Variants in NTM observed in about 807,000 individuals in gnomAD.
NTM encodes the protein IgLON family member 2.
A neutral mutation model predicts 42.1 loss-of-function variants in NTM; 13 were observed. The ratio of observed to expected loss-of-function variants is 0.31; its 90% CI spans 0.20 to 0.49. NTM has a LOEUF of 0.49. Among genes scored for constraint, NTM ranks in the 20% least tolerant of loss-of-function variants. The pLI is 0.99. For synonymous variants in NTM, 187 were observed against 179.2 expected (o/e 1.04, Z -0.35); for missense variants, 373 against 452.8 (o/e 0.82, Z 1.60).
intron 1 of NTM, among the ~76,000 whole-genome samples, chr11:131,573,950 C>A (rs1249297287): frequency 6.6e-6 from 1 of 152,180 alleles, no homozygotes; most frequent in Non-Finnish European, 1.5e-5. Flanking sequence ...TCACATGAGC[C>A]ACAGCAGCCT....
chr11:131,701,862 G>A (rs141105241), intron 1 of NTM, among the ~76,000 whole-genome samples: 2 of 152,278 alleles, frequency 1.3e-5, no homozygotes, highest in African/African-American at 4.8e-5. Context: ...TTGGACCCCA[G>A]TGCAAAATGA....
chr11:132,012,306 T>TA (rs1330278728), intron 2 of NTM, among the ~76,000 whole-genome samples: 1 of 152,172 alleles, frequency 6.6e-6, no homozygotes, highest in Non-Finnish European at 1.5e-5. Flanking sequence ...TTCAAGAACA[T>TA]AAAGTTAATT....
chr11:132,164,529 G>A (rs1461568509), intron 3 of NTM, among the ~76,000 whole-genome samples: 1 of 152,166 alleles, frequency 6.6e-6, no homozygotes, highest in Non-Finnish European at 1.5e-5. Flanking sequence ...GATGATGTGT[G>A]CTATGTAAAT....
intron 7 of NTM, among the ~76,000 whole-genome samples, chr11:132,329,103 G>A (rs1399220726): frequency 6.6e-6 from 1 of 152,166 alleles, no homozygotes; most frequent in African/African-American, 2.4e-5. Flanking sequence ...GCACAAGTAC[G>A]TATTCATCTG....
intron 1 of NTM, among the ~76,000 whole-genome samples, chr11:131,450,633 C>A (rs1591702464): frequency 6.6e-6 from 1 of 152,272 alleles, no homozygotes; most frequent in South Asian, 2.1e-4. Context: ...CTGATTAGAC[C>A]ACCGGCTTCT....
At chr11:131,401,828 A>ATGTGTG (rs1408568609) in intron 1 of NTM, among the ~76,000 whole-genome samples, 2 of 53,368 alleles carry the variant, frequency 3.7e-5, no homozygotes, top group African/African-American at 1.5e-4. Flanking sequence ...ATATATATAT[A>ATGTGTG]TATATATATA....
At chr11:132,249,554 C>T (rs984210027) in intron 4 of NTM, among the ~76,000 whole-genome samples, 3 of 152,208 alleles carry the variant, frequency 2.0e-5, no homozygotes, top group Non-Finnish European at 4.4e-5. Context: ...TCTCTTGAGT[C>T]AGGTTGTTGG....
intron 2 of NTM, among the ~76,000 whole-genome samples, chr11:132,049,632 C>A (rs2078562532): frequency 6.6e-6 from 1 of 152,286 alleles, no homozygotes; most frequent in South Asian, 2.1e-4. Context: ...TGCTCCATCA[C>A]CCTCACCTGG....
At chr11:132,190,847 A>G (rs554252468) in intron 3 of NTM, among the ~76,000 whole-genome samples, 11 of 152,150 alleles carry the variant, frequency 7.2e-5, no homozygotes, top group Non-Finnish European at 1.5e-4. Flanking sequence ...GCTCTGTAGC[A>G]TCTTAGAGAC....
At chr11:131,936,787 G>T (rs1322523305) in intron 2 of NTM, among the ~76,000 whole-genome samples, 1 of 152,102 alleles carries the variant, frequency 6.6e-6, no homozygotes, top group Non-Finnish European at 1.5e-5. Flanking sequence ...GGCAGACACA[G>T]AACTTACTCT....
chr11:131,911,142 T>TG, intron 1 of NTM: 1 of 1,271,720 alleles, frequency 7.9e-7, no homozygotes, highest in Non-Finnish European at 1.0e-6. Context: ...GAACTGCCGC[T>TG]GGGAAGAAGC....
In NTM at chr11:132,066,263, A is replaced by G. The variant is rs182842420; in HGVS notation, c.168-80019A>G. Among the ~76,000 whole-genome samples the G allele has an allele frequency of 4.5e-3, 690 of 152,186 alleles. 2 individuals carry two copies. Among genetic ancestry groups the G allele is most frequent in the African/African-American group, 0.016 (650 of 41,510 alleles). On this transcript the variant is annotated intron_variant, in intron 2 of 8. Coordinates refer to ENST00000683400, the MANE Select transcript of NTM (RefSeq NM_001352005.2). ...CTTCCAAATGCTCTGCTCTCTGTGA[A>G]TCTTTCTCAGTCTCCTCCACCTGAG...
chr11:132,239,037 T>A (rs1295665225), intron 4 of NTM, among the ~76,000 whole-genome samples: 1 of 152,154 alleles, frequency 6.6e-6, no homozygotes, highest in Non-Finnish European at 1.5e-5. Context: ...GCTGACAACA[T>A]CTATACAGGT....
At chr11:131,937,522 G>A (rs1218192015) in intron 2 of NTM, among the ~76,000 whole-genome samples, 1 of 152,168 alleles carries the variant, frequency 6.6e-6, no homozygotes, top group Non-Finnish European at 1.5e-5. Context: ...AGTGACTGAA[G>A]TCGTATGGAC....
chr11:131,728,250 C>T (rs2079194203), intron 1 of NTM, among the ~76,000 whole-genome samples: 1 of 152,196 alleles, frequency 6.6e-6, no homozygotes, highest in Non-Finnish European at 1.5e-5. Context: ...AAGACTGTTT[C>T]CCCACTTCTA....
At chr11:131,582,402 T>G (rs957100807) in intron 1 of NTM, 1 of 152,184 alleles carries the variant, frequency 6.6e-6, no homozygotes, top group Non-Finnish European at 1.5e-5. Context: ...TCCCTTCATC[T>G]TTTTTTAGAC....
At chr11:131,383,384 G>A (rs539056335) in intron 1 of NTM, among the ~76,000 whole-genome samples, 17 of 152,316 alleles carry the variant, frequency 1.1e-4, no homozygotes, top group African/African-American at 4.1e-4. Context: ...AGGTAAGTTT[G>A]CTATGGCAGC....
Position 132,104,965 on chromosome 11 carries a change from A to G in NTM, c.168-41317A>G, listed in dbSNP as rs1358993285. On this transcript the variant is annotated intron_variant, in intron 2 of 8. Coordinates refer to ENST00000683400, the MANE Select transcript of NTM (RefSeq NM_001352005.2). Reference sequence around the variant, plus strand: ...TATATATATATATATATATATATATATATATATATATATATATATATATAT... The same window carrying G: ...TATATATATATATATATATATATATGTATATATATATATATATATATATAT... 3.2e-3 allele frequency among the ~76,000 whole-genome samples: 378 copies of G among 117,468 alleles called. 29 individuals are homozygous for G. The highest frequency in any genetic ancestry group is 9.8e-3 in the African/African-American group (300 of 30,736). The allele number at this position is 117,468 out of a possible 152,430, so 77.1% of individuals were successfully genotyped here. A position where few individuals can be genotyped will look rare whatever the true frequency, so the allele number is the denominator to read the frequency against.
chr11:132,283,872 G>A (rs2094113023), intron 4 of NTM, among the ~76,000 whole-genome samples: 1 of 152,100 alleles, frequency 6.6e-6, no homozygotes, highest in Non-Finnish European at 1.5e-5. Flanking sequence ...CTAAGCTCTT[G>A]CCCAGGCCCC....
Sources: allele counts gnomAD v4.1 joint callset (sites outside exome capture counted in the v4.1 genomes callset), GRCh38; gene constraint gnomAD v4.1.1; transcripts MANE v1.5; gene names NCBI Gene and HGNC (gene_info 2026-07-23, HGNC 2026-07-21).